Variants in B3GALT1 observed in about 807,000 individuals in gnomAD.
B3GALT1 encodes beta-1,3-galactosyltransferase 1.
A neutral mutation model predicts 23.2 loss-of-function variants in B3GALT1; 10 were observed. The observed-to-expected ratio is 0.43, with a 90% CI of 0.27 to 0.73. B3GALT1 has a LOEUF of 0.73. B3GALT1 is among the 30% of genes least tolerant of loss of function. The pLI, the probability that B3GALT1 is intolerant of heterozygous loss-of-function variation, is 0.21. For missense variants in B3GALT1, 299 were observed against 405.4 expected, an observed-to-expected ratio of 0.74 and a Z score of 2.25; for synonymous variants, 156 against 141.5, an observed-to-expected ratio of 1.10 and a Z score of -0.73.
At chr2:167,553,932 C>T (rs1683796079) in intron 2 of B3GALT1, among the ~76,000 whole-genome samples, 1 of 152,088 alleles carries the variant, frequency 6.6e-6, no homozygotes, top group Non-Finnish European at 1.5e-5. Flanking sequence ...TACATTTAGT[C>T]AACAACTGTA....
rs190703464 is a variant in B3GALT1 at position 167,666,467 on chromosome 2, C to T, written c.-352+19501C>T. On this transcript the variant is annotated intron_variant, in intron 3 of 4. Transcript: ENST00000392690. ...GAGTTCTGTAGATGTCTGTTAGGTC[C>T]GCTTGGTGCAGGGCTGAGTTCAATT... 3.0e-3 allele frequency among the ~76,000 whole-genome samples: 460 copies of T among 151,856 alleles called. 4 individuals carry two copies. The highest frequency in any genetic ancestry group is 8.1e-3 in the East Asian group (42 of 5,166).
intron 2 of B3GALT1, among the ~76,000 whole-genome samples, chr2:167,590,553 A>G (rs188441657): frequency 6.6e-6 from 1 of 152,230 alleles, no homozygotes; most frequent in Admixed American, 6.5e-5. Context: ...AAAAAAAAGA[A>G]ATAACATGAA....
At position 167,870,697 on chromosome 2, in the gene B3GALT1, A is replaced by G. The variant is rs1690328195; in HGVS notation, c.*677A>G. 6.0e-6 allele frequency: 1 copy of G among 166,798 alleles called. No individual in the cohort carries two copies. Among genetic ancestry groups the G allele is most frequent in the Non-Finnish European group, 1.5e-5 (1 of 68,122 alleles). The allele number at this position is 166,798 out of a possible 1,614,324, so 10.3% of individuals were successfully genotyped here. A position where few individuals can be genotyped will look rare whatever the true frequency, so the allele number is the denominator to read the frequency against. The stretch of plus-strand genomic sequence containing the variant: ...AAAATGCTACTTAACAAAGTAAACA[A>G]AAGATTTTTTTTTTCTTTTTTTTTC... On this transcript the variant is annotated 3_prime_UTR_variant, in exon 5 of 5. Transcript: ENST00000392690.
chr2:167,595,187 T>G (rs1007330713), intron 2 of B3GALT1, among the ~76,000 whole-genome samples: 2 of 151,978 alleles, frequency 1.3e-5, no homozygotes, highest in African/African-American at 4.8e-5. Context: ...TGCTGTGTTG[T>G]GGGGACCAGC....
intron 4 of B3GALT1, among the ~76,000 whole-genome samples, chr2:167,852,992 AAAGTTT>A (rs1487651653): frequency 1.3e-5 from 2 of 152,212 alleles, no homozygotes; most frequent in African/African-American, 4.8e-5. Context: ...TACAGAGGTT[AAAGTTT>A]ATCAAAGAGT....
At chr2:167,790,269 T>G (rs975536354) in intron 3 of B3GALT1, among the ~76,000 whole-genome samples, 3 of 152,150 alleles carry the variant, frequency 2.0e-5, no homozygotes, top group African/African-American at 7.2e-5. Context: ...AAGCTTTGTT[T>G]CCCCAAGCCT....
At chr2:167,421,930 C>G (rs902557264) in intron 1 of B3GALT1, among the ~76,000 whole-genome samples, 8 of 152,186 alleles carry the variant, frequency 5.3e-5, no homozygotes, top group Non-Finnish European at 1.2e-4. Flanking sequence ...GGAACTAACT[C>G]TGCTTTCAAA....
chr2:167,302,638 C>T (rs532594204), intron 1 of B3GALT1, among the ~76,000 whole-genome samples: 1 of 151,788 alleles, frequency 6.6e-6, no homozygotes, highest in Non-Finnish European at 1.5e-5. Flanking sequence ...ATTGTCATAT[C>T]AGGTTAAAAA....
chr2:167,716,077 G>C, intron 3 of B3GALT1: 1 of 1,561,906 alleles, frequency 6.4e-7, no homozygotes. Flanking sequence ...GCGCCAAGCT[G>C]CTCTGGCGGT....
Position 167,343,877 on chromosome 2 carries a change from A to G in B3GALT1, c.-511+50543A>G, listed in dbSNP as rs148508599. Among the ~76,000 whole-genome samples, 577 of 152,268 alleles carry G rather than the reference A, an allele frequency of 3.8e-3. 5 individuals carry two copies. Among genetic ancestry groups the G allele is most frequent in the Middle Eastern group, 0.034 (10 of 294 alleles). On this transcript the variant is annotated intron_variant, in intron 1 of 4. Transcript: ENST00000392690. ...AGAAGCTAAAAGGCAAAAGATAGGAAAAGATCTGCTTGTAAAAATGCTTGC... is the reference window on the plus strand; with the variant it reads ...AGAAGCTAAAAGGCAAAAGATAGGAGAAGATCTGCTTGTAAAAATGCTTGC...
intron 2 of B3GALT1, among the ~76,000 whole-genome samples, chr2:167,583,446 T>G (rs540882159): frequency 1.3e-5 from 2 of 152,320 alleles, no homozygotes; most frequent in South Asian, 4.1e-4. Context: ...TTTACCTGCT[T>G]CTTCTCTGGG....
intron 3 of B3GALT1, among the ~76,000 whole-genome samples, chr2:167,741,779 C>T (rs1687580276): frequency 1.3e-5 from 2 of 152,144 alleles, no homozygotes; most frequent in African/African-American, 4.8e-5. Flanking sequence ...TTTGATCATA[C>T]TGGGAACCAA....
At chr2:167,807,250 C>G (rs565849352) in intron 3 of B3GALT1, among the ~76,000 whole-genome samples, 1 of 152,170 alleles carries the variant, frequency 6.6e-6, no homozygotes, top group South Asian at 2.1e-4. Context: ...TTTTGTTGAT[C>G]TTTTCAAAAA....
At chr2:167,448,902 T>G (rs1012924769) in intron 1 of B3GALT1, among the ~76,000 whole-genome samples, 52 of 152,326 alleles carry the variant, frequency 3.4e-4, no homozygotes, top group African/African-American at 1.1e-3. Flanking sequence ...TAAGATCAGT[T>G]GGCTATAAGT....
rs1438572443 is a variant in B3GALT1, at chr2:167,664,283, G to A, written c.-352+17317G>A. On this transcript the variant is annotated intron_variant, in intron 3 of 4. Coordinates refer to ENST00000392690, the MANE Select transcript of B3GALT1 (RefSeq NM_020981.4). ...GATCAGATAGTTGTAGATGTGTGGC[G>A]TTATTTCTGAGGGCTCTGTTCTGTT... Among the ~76,000 whole-genome samples the A allele has an allele frequency of 3.4e-4, 52 of 151,290 alleles. 2 individuals carry two copies. The highest frequency in any genetic ancestry group is 1.2e-3 in the African/African-American group (49 of 40,736).
intron 4 of B3GALT1, among the ~76,000 whole-genome samples, chr2:167,856,976 C>G (rs532708874): frequency 6.6e-6 from 1 of 152,220 alleles, no homozygotes; most frequent in Admixed American, 6.5e-5. Flanking sequence ...AAAGCATGTA[C>G]TAGTGACAGG....
chr2:167,387,784 A>T (rs752932386), intron 1 of B3GALT1, among the ~76,000 whole-genome samples: 8 of 152,208 alleles, frequency 5.3e-5, no homozygotes, highest in Non-Finnish European at 7.3e-5. Context: ...AAAAAAAAAT[A>T]GTTAGTGTTA....
At chr2:167,747,036 C>T (rs1008480037) in intron 3 of B3GALT1, among the ~76,000 whole-genome samples, 2 of 152,166 alleles carry the variant, frequency 1.3e-5, no homozygotes, top group East Asian at 1.9e-4. Flanking sequence ...CATATCGTAC[C>T]TCCAACCCAC....
chr2:167,621,091 T>TGA (rs1553472879), intron 2 of B3GALT1, among the ~76,000 whole-genome samples: 1 of 144,980 alleles, frequency 6.9e-6, no homozygotes, highest in Non-Finnish European at 1.5e-5. Flanking sequence ...TTTCAGTTCT[T>TGA]TTTTTTTTTT....
Sources: allele counts gnomAD v4.1 joint callset (sites outside exome capture counted in the v4.1 genomes callset), GRCh38; gene constraint gnomAD v4.1.1; transcripts MANE v1.5; gene names NCBI Gene and HGNC (gene_info 2026-07-23, HGNC 2026-07-21).